The following MYO3B variants were observed in gnomAD, a reference collection of about 807,000 sequenced individuals.
MYO3B encodes myosin IIIB.
Under a neutral mutation model 174.6 loss-of-function variants are expected in MYO3B, and 156 were observed. The ratio of observed to expected loss-of-function variants is 0.89; its 90% CI spans 0.78 to 1.02. The LOEUF is 1.02. Among genes scored for constraint, MYO3B ranks in the 50% least tolerant of loss-of-function variants. The probability of loss-of-function intolerance (pLI) is 0.00; values close to 1 mark genes in which losing one functional copy is unlikely to be tolerated. For synonymous variants in MYO3B, 563 were observed against 569.1 expected (o/e 0.99, Z 0.15); for missense variants, 1,632 against 1,639.4 (o/e 1.00, Z 0.08).
At chr2:170,228,981 A>T (rs1300060020) in intron 6 of MYO3B, among the ~76,000 whole-genome samples, 5 of 142,072 alleles carry the variant, frequency 3.5e-5, no homozygotes, top group African/African-American at 1.3e-4. Flanking sequence ...AAAAAAAAAA[A>T]CAACGAATCT....
chr2:170,608,684 A>C (rs893480808), intron 32 of MYO3B, among the ~76,000 whole-genome samples: 3 of 149,422 alleles, frequency 2.0e-5, no homozygotes, highest in African/African-American at 7.3e-5. Flanking sequence ...AGAGAGAGAG[A>C]CAGACAGACA....
chr2:170,250,761 C>A (rs1475477474), intron 7 of MYO3B, among the ~76,000 whole-genome samples: 1 of 152,056 alleles, frequency 6.6e-6, no homozygotes, highest in East Asian at 1.9e-4. Context: ...GTGGAGGTGG[C>A]TCTCAGCAGG....
At chr2:170,629,775 T>G (rs10196488) in intron 32 of MYO3B, among the ~76,000 whole-genome samples, 33,908 of 152,120 alleles carry the variant, frequency 0.22, 4,823 homozygotes, top group East Asian at 0.44. Flanking sequence ...ACTTGAACCT[T>G]GGAGGCAGAC....
intron 7 of MYO3B, among the ~76,000 whole-genome samples, chr2:170,275,268 A>C (rs2093456150): frequency 6.6e-6 from 1 of 152,218 alleles, no homozygotes. Context: ...ATGACAATTT[A>C]TGAAGGTTGC....
chr2:170,544,005 G>T lies in MYO3B; in HGVS notation c.3733+17G>T. On this transcript the variant is annotated intron_variant, in intron 32 of 34. Transcript: ENST00000408978. ...AAAAGCCTGGTAAGAAGAACGTTTT[G>T]AATTGCATGCGGCTTCTACCATTTG... is the stretch of plus-strand genomic sequence containing the variant. 1 of 1,568,998 alleles carries T rather than the reference G, an allele frequency of 6.4e-7. No individual in the cohort carries two copies. The highest frequency in any genetic ancestry group is 1.1e-5 in the South Asian group (1 of 89,626).
intron 25 of MYO3B, among the ~76,000 whole-genome samples, chr2:170,480,297 T>C (rs1685609911): frequency 6.6e-6 from 1 of 152,056 alleles, no homozygotes; most frequent in Non-Finnish European, 1.5e-5. Context: ...CCATCATATA[T>C]CACAGGGGGA....
chr2:170,633,004 A>T (rs1697143836), intron 32 of MYO3B, among the ~76,000 whole-genome samples: 1 of 152,214 alleles, frequency 6.6e-6, no homozygotes, highest in African/African-American at 2.4e-5. Context: ...AAAAAAGTCC[A>T]GGGTCAGACA....
intron 6 of MYO3B, among the ~76,000 whole-genome samples, chr2:170,223,818 A>G (rs1256555181): frequency 2.6e-5 from 4 of 152,224 alleles, no homozygotes; most frequent in East Asian, 1.9e-4. Flanking sequence ...TGTTGTCATT[A>G]TCGTTTTTAT....
At chr2:170,401,414 A>C in intron 17 of MYO3B, 67 bp from the exon 18 acceptor site, 1 of 1,454,370 alleles carries the variant, frequency 6.9e-7, no homozygotes, top group Non-Finnish European at 9.6e-7. Flanking sequence ...ATGTTGAATA[A>C]ATGCTGAACA....
At chr2:170,313,874 A>T (rs974496832) in intron 7 of MYO3B, among the ~76,000 whole-genome samples, 2 of 152,076 alleles carry the variant, frequency 1.3e-5, no homozygotes, top group African/African-American at 4.8e-5. Context: ...AGACACACAC[A>T]CACAGCTCAA....
chr2:170,262,966 G>A (rs1034488285), intron 7 of MYO3B, among the ~76,000 whole-genome samples: 5 of 152,060 alleles, frequency 3.3e-5, no homozygotes, highest in Admixed American at 6.6e-5. Context: ...TGATTTTGAC[G>A]TTACCAATGA....
intron 3 of MYO3B, among the ~76,000 whole-genome samples, chr2:170,211,796 T>G: frequency 6.6e-6 from 1 of 152,190 alleles, no homozygotes; most frequent in Non-Finnish European, 1.5e-5. Context: ...CAGCAAAGTT[T>G]GCTGTTGGCC....
chr2:170,371,234 A>C (rs1331190752), intron 9 of MYO3B, among the ~76,000 whole-genome samples: 1 of 151,660 alleles, frequency 6.6e-6, no homozygotes, highest in Non-Finnish European at 1.5e-5. Context: ...AAAAAAAAAA[A>C]AAAAAACCAA....
chr2:170,577,320 G>C (rs1034034525), intron 32 of MYO3B, among the ~76,000 whole-genome samples: 1 of 152,132 alleles, frequency 6.6e-6, no homozygotes, highest in Non-Finnish European at 1.5e-5. Flanking sequence ...ATCTCCTTGA[G>C]GACAAAATCT....
intron 30 of MYO3B, among the ~76,000 whole-genome samples, chr2:170,520,763 C>T (rs1688628108): frequency 6.6e-6 from 1 of 152,082 alleles, no homozygotes; most frequent in Non-Finnish European, 1.5e-5. Context: ...ACTTTAAGTC[C>T]AGCCAGGCCA....
intron 1 of MYO3B, among the ~76,000 whole-genome samples, chr2:170,196,351 C>T (rs1398296954): frequency 6.6e-6 from 1 of 152,084 alleles, no homozygotes; most frequent in Admixed American, 6.6e-5. Flanking sequence ...TACTCTCCAC[C>T]CCACCAAAAA....
chr2:170,649,272 A>G (rs1698764991), intron 32 of MYO3B, among the ~76,000 whole-genome samples: 1 of 40,658 alleles, frequency 2.5e-5, no homozygotes, highest in African/African-American at 1.2e-4. Flanking sequence ...AATATATTAT[A>G]TATAAAATAA....
intron 28 of MYO3B, among the ~76,000 whole-genome samples, chr2:170,510,458 AAAG>A (rs1687907281): frequency 6.6e-6 from 1 of 152,214 alleles, no homozygotes; most frequent in Non-Finnish European, 1.5e-5. Flanking sequence ...GTAAGAATAA[AAAG>A]AGATTAAAGA....
chr2:170,598,281 C>T (rs1487083607), intron 32 of MYO3B, among the ~76,000 whole-genome samples: 1 of 152,198 alleles, frequency 6.6e-6, no homozygotes, highest in Admixed American at 6.5e-5. Context: ...CACAAAGCAG[C>T]TCTGCCTGCT....
Sources: gnomAD v4.1 joint callset for allele counts (sites outside exome capture counted in the v4.1 genomes callset) on GRCh38, gnomAD v4.1.1 for gene constraint, MANE v1.5 for transcripts, NCBI Gene and HGNC (gene_info 2026-07-23, HGNC 2026-07-21) for gene names.